ARHGAP40: variants seen among roughly 807,000 people sequenced by gnomAD.
ARHGAP40 encodes Rho GTPase activating protein 40, also known as rho GTPase-activating protein 40.
A neutral mutation model predicts 73.5 loss-of-function variants in ARHGAP40; 43 were observed. The observed-to-expected ratio is 0.58, with a 90% CI of 0.46 to 0.75. ARHGAP40 has a LOEUF of 0.75. ARHGAP40 is among the 30% of genes least tolerant of loss of function. The pLI is 0.00. For missense variants in ARHGAP40, 734 were observed against 861.8 expected (o/e 0.85, Z 1.86); for synonymous variants, 300 against 352.8 (o/e 0.85, Z 1.68).
At chr20:38,648,545 T>C (rs1258822262) in intron 13 of ARHGAP40, 98 bp from the exon 14 acceptor site, 1 of 1,013,346 alleles carries the variant, frequency 9.9e-7, no homozygotes, top group African/African-American at 1.7e-5. Context: ...CAGTGAGGAC[T>C]GCCCTTTCCA....
Position 38,646,924 on chromosome 20 carries a change from T to G in ARHGAP40, c.1711-33T>G. On this transcript the variant is annotated intron_variant, in intron 12 of 14. Transcript: ENST00000373345. This position sits in a 1 kb window ranked among gnomAD's most constrained non-coding sequence, Gnocchi z 4.5. Reference sequence around the variant, plus strand: ...GGAACTCCAGGCAAGCTGACTCTTATGTATATGGATCTTTCTCTCTCTCTC... The same window carrying G: ...GGAACTCCAGGCAAGCTGACTCTTAGGTATATGGATCTTTCTCTCTCTCTC... 7.8e-7 allele frequency: 1 copy of G among 1,289,568 alleles called. No individual in the cohort carries two copies. The highest frequency in any genetic ancestry group is 1.0e-6 in the Non-Finnish European group (1 of 979,078). 79.9% of individuals were successfully genotyped at this position (1,289,568 alleles called of 1,614,324 possible).
chr20:38,641,689 G>A, intron 9 of ARHGAP40, 37 bp from the exon 10 acceptor site: 1 of 1,277,632 alleles, frequency 7.8e-7, no homozygotes. Flanking sequence ...GAGTCCCTGA[G>A]CCTCCCATGG....
intron 11 of ARHGAP40, among the ~76,000 whole-genome samples, chr20:38,644,866 C>T (rs1163634468): frequency 1.3e-5 from 2 of 151,838 alleles, no homozygotes; most frequent in African/African-American, 2.4e-5. Flanking sequence ...CATCCATCCA[C>T]TCATCTACCA....
intron 1 of ARHGAP40, 34 bp from the exon 2 acceptor site, chr20:38,623,325 G>T (rs1380047113): frequency 1.6e-6 from 2 of 1,252,690 alleles, no homozygotes; most frequent in Non-Finnish European, 2.1e-6. Context: ...GCAGAGACTT[G>T]CTGACCTCCC....
chr20:38,639,767 T>A (rs1383680931), intron 9 of ARHGAP40, among the ~76,000 whole-genome samples: 2 of 152,406 alleles, frequency 1.3e-5, no homozygotes, highest in East Asian at 3.8e-4. Context: ...TGTGTGCATG[T>A]CCATCTGTGT....
intron 5 of ARHGAP40, among the ~76,000 whole-genome samples, chr20:38,633,161 C>T (rs568493130): frequency 6.6e-6 from 1 of 151,818 alleles, no homozygotes; most frequent in Non-Finnish European, 1.5e-5. Context: ...GGTGTGTGCC[C>T]GTAATCTTAG....
rs189374683 is a variant in ARHGAP40 at position 38,629,304 on chromosome 20, G to A, written c.635-198G>A. Among the ~76,000 whole-genome samples the A allele has an allele frequency of 5.3e-5, 8 of 152,292 alleles. No homozygotes were observed. The East Asian group carries it at 1.4e-3, about 26-fold the overall frequency. ...TTAGCTAGGAAATCATTTCCTGGGG[G>A]CAATGGGCCATAGCTAGGAAATCAC... is the stretch of plus-strand genomic sequence containing the variant. On this transcript the variant is annotated intron_variant, in intron 4 of 14. Coordinates refer to ENST00000373345, the Ensembl canonical transcript of ARHGAP40.
intron 6 of ARHGAP40, among the ~76,000 whole-genome samples, chr20:38,637,493 A>AT (rs1161089723): frequency 1.3e-5 from 2 of 152,072 alleles, no homozygotes; most frequent in African/African-American, 2.4e-5. Context: ...GCTCTGAGAC[A>AT]TATCTCCTCA....
chr20:38,624,788 C>T lies in ARHGAP40; in HGVS notation c.337+1230C>T, dbSNP rs763081251. The stretch of plus-strand genomic sequence containing the variant: ...TTCCCTACACAAAATAGCACCCCTG[C>T]CCCATCACTCTCTAGCCCCTGCCCT... On this transcript the variant is annotated intron_variant, in intron 2 of 14. Coordinates refer to ENST00000373345, the Ensembl canonical transcript of ARHGAP40. Among the ~76,000 whole-genome samples the T allele has an allele frequency of 2.6e-5, 4 of 152,232 alleles. No homozygotes were observed. The East Asian group carries it at 7.7e-4, about 29-fold the overall frequency.
exon 3 of ARHGAP40, chr20:38,627,137 C>A (rs1232943823): frequency 3.1e-6 from 4 of 1,305,334 alleles, no homozygotes; most frequent in Non-Finnish European, 4.0e-6. Flanking sequence ...GGCTGGACAT[C>A]TATGCTCGCT....
At chr20:38,630,994 G>T (rs1448625177) in intron 5 of ARHGAP40, among the ~76,000 whole-genome samples, 1 of 152,158 alleles carries the variant, frequency 6.6e-6, no homozygotes, top group East Asian at 1.9e-4. Context: ...TGCCCTCATT[G>T]CTCCCTGACT....
At chr20:38,634,785 G>A in exon 6 of ARHGAP40, 1 of 1,277,904 alleles carries the variant, frequency 7.8e-7, no homozygotes, top group Non-Finnish European at 1.0e-6. Context: ...GAAAGCGGCA[G>A]GTGAGCAGCC....
At chr20:38,635,130 T>C (rs969188726) in intron 6 of ARHGAP40, among the ~76,000 whole-genome samples, 2 of 152,118 alleles carry the variant, frequency 1.3e-5, no homozygotes, top group Non-Finnish European at 2.9e-5. Flanking sequence ...TCTGCCTGCC[T>C]CAGCCTCCCA....
intron 5 of ARHGAP40, among the ~76,000 whole-genome samples, chr20:38,631,179 G>C (rs927175924): frequency 6.6e-6 from 1 of 152,036 alleles, no homozygotes; most frequent in African/African-American, 2.4e-5. Flanking sequence ...AGGTGTGATG[G>C]TGCAGGCCTG....
intron 9 of ARHGAP40, 38 bp downstream of exon 9, chr20:38,639,424 A>T: frequency 1.6e-6 from 2 of 1,288,178 alleles, no homozygotes; most frequent in South Asian, 2.5e-5. Flanking sequence ...GCAGGGATGG[A>T]GAGTTGGCTC....
intron 1 of ARHGAP40, among the ~76,000 whole-genome samples, chr20:38,609,862 G>A (rs1036824222): frequency 1.4e-4 from 21 of 152,376 alleles, no homozygotes; most frequent in Middle Eastern, 3.4e-3. Context: ...CCCTGAGCCC[G>A]GCTGCAACCC....
chr20:38,610,487 C>T (rs569445841), intron 1 of ARHGAP40, among the ~76,000 whole-genome samples: 10 of 152,182 alleles, frequency 6.6e-5, no homozygotes, highest in African/African-American at 2.4e-4. Context: ...CTCAAGAGGT[C>T]TGAGAAGGTG....
chr20:38,645,041 G>A (rs563633581), intron 11 of ARHGAP40, among the ~76,000 whole-genome samples: 2 of 152,002 alleles, frequency 1.3e-5, no homozygotes, highest in South Asian at 4.2e-4. Flanking sequence ...CTGGGCACTC[G>A]TCTGTGTTCT....
At chr20:38,609,970 T>C (rs2088794779) in intron 1 of ARHGAP40, among the ~76,000 whole-genome samples, 1 of 152,210 alleles carries the variant, frequency 6.6e-6, no homozygotes, top group South Asian at 2.1e-4. Context: ...TGTGAAGATG[T>C]GCAGCAAAGA....
Sources: allele counts gnomAD v4.1 joint callset (sites outside exome capture counted in the v4.1 genomes callset), GRCh38; gene constraint gnomAD v4.1.1; non-coding constraint Gnocchi (gnomAD v3.1); transcripts MANE v1.5; gene names NCBI Gene and HGNC (gene_info 2026-07-23, HGNC 2026-07-21).